Variants in JAKMIP2 observed in about 807,000 individuals in gnomAD.
The protein encoded by JAKMIP2 is janus kinase and microtubule interacting protein 2, also known as janus kinase and microtubule-interacting protein 2.
In JAKMIP2, 25 loss-of-function variants were observed where a neutral mutation model predicts 115.0. The ratio of observed to expected loss-of-function variants is 0.22; its 90% CI spans 0.16 to 0.30. The LOEUF (loss-of-function observed/expected upper bound fraction) is 0.30, where lower values mean the gene tolerates loss of function less well. Ranked by LOEUF, JAKMIP2 falls within the 10% of genes least tolerant of loss-of-function variation. JAKMIP2 has a pLI of 1.00. For synonymous variants in JAKMIP2, 334 were observed against 343.6 expected, an observed-to-expected ratio of 0.97 and a Z score of 0.31; for missense variants, 642 against 957.6, an observed-to-expected ratio of 0.67 and a Z score of 4.35.
chr5:147,662,560 C>T (rs986152238), intron 2 of JAKMIP2, among the ~76,000 whole-genome samples: 3 of 152,038 alleles, frequency 2.0e-5, no homozygotes, highest in Non-Finnish European at 4.4e-5. Flanking sequence ...AAAGCCTCTC[C>T]GTGATCCTGT....
At chr5:147,618,373 T>G (rs1756687616) in intron 18 of JAKMIP2, among the ~76,000 whole-genome samples, 1 of 138,082 alleles carries the variant, frequency 7.2e-6, no homozygotes, top group African/African-American at 3.4e-5. Context: ...CCCTGTCCAT[T>G]TTATATACTT....
intron 19 of JAKMIP2, among the ~76,000 whole-genome samples, chr5:147,615,322 A>C (rs1756515769): frequency 6.6e-6 from 1 of 152,200 alleles, no homozygotes; most frequent in African/African-American, 2.4e-5. Context: ...AAATGAGAAC[A>C]CTTGGATCAA....
intron 20 of JAKMIP2, among the ~76,000 whole-genome samples, chr5:147,608,423 C>A (rs186595698): frequency 1.3e-5 from 2 of 152,106 alleles, no homozygotes; most frequent in Non-Finnish European, 2.9e-5. Context: ...GCCTTAATTT[C>A]GTTATTTACC....
chr5:147,693,298 T>A (rs1469572312), intron 1 of JAKMIP2, among the ~76,000 whole-genome samples: 1 of 152,188 alleles, frequency 6.6e-6, no homozygotes, highest in Non-Finnish European at 1.5e-5. Context: ...AGTAGTTGTT[T>A]GGATGCATCT....
chr5:147,598,532 T>C (rs1342645261), intron 21 of JAKMIP2, among the ~76,000 whole-genome samples: 1 of 152,128 alleles, frequency 6.6e-6, no homozygotes, highest in Non-Finnish European at 1.5e-5. Flanking sequence ...ACTAATACAT[T>C]GATATGCCAT....
At chr5:147,743,677 T>C in intron 1 of JAKMIP2, among the ~76,000 whole-genome samples, 1 of 152,228 alleles carries the variant, frequency 6.6e-6, no homozygotes, top group Non-Finnish European at 1.5e-5. Flanking sequence ...AGTATAAGGA[T>C]TCTGCCAAGG....
intron 18 of JAKMIP2, among the ~76,000 whole-genome samples, chr5:147,619,712 C>A (rs2126650218): frequency 6.6e-6 from 1 of 152,194 alleles, no homozygotes; most frequent in South Asian, 2.1e-4. Context: ...CCTTAATCAG[C>A]ATAATCTTCT....
chr5:147,714,592 G>C (rs1264194435), intron 1 of JAKMIP2, among the ~76,000 whole-genome samples: 2 of 152,120 alleles, frequency 1.3e-5, no homozygotes, highest in African/African-American at 4.8e-5. Flanking sequence ...TTTTAGAATT[G>C]ATGAAACATA....
chr5:147,763,301 A>T (rs1157332783), intron 1 of JAKMIP2, among the ~76,000 whole-genome samples: 1 of 152,126 alleles, frequency 6.6e-6, no homozygotes, highest in Non-Finnish European at 1.5e-5. Flanking sequence ...GCATTAATGG[A>T]TAGATAAAAC....
intron 1 of JAKMIP2, among the ~76,000 whole-genome samples, chr5:147,776,268 C>A (rs1755551967): frequency 6.6e-6 from 1 of 152,136 alleles, no homozygotes; most frequent in Non-Finnish European, 1.5e-5. Flanking sequence ...GGGAGGGACC[C>A]AGAGGGAGGT....
intron 1 of JAKMIP2, among the ~76,000 whole-genome samples, chr5:147,719,677 C>G (rs1263746005): frequency 6.6e-6 from 1 of 150,738 alleles, no homozygotes; most frequent in Non-Finnish European, 1.5e-5. Context: ...CAACCCCTGC[C>G]TTTTTTTGTT....
At chr5:147,710,728 T>C (rs1395389103) in intron 1 of JAKMIP2, among the ~76,000 whole-genome samples, 1 of 152,210 alleles carries the variant, frequency 6.6e-6, no homozygotes, top group East Asian at 1.9e-4. Flanking sequence ...TGTATTGTTA[T>C]GGCACAATGA....
chr5:147,585,909 T>G lies in JAKMIP2; in HGVS notation c.*5798A>C, dbSNP rs907764523. The G allele has an allele frequency of 6.6e-6, 1 of 152,014 alleles. No individual in the cohort carries two copies. 9.4% of individuals were successfully genotyped at this position (152,014 alleles called of 1,614,324 possible). ...ATGGAATTTTTAGCTAATAAAGATA[T>G]GGGACTTTTGGCTAATTTTAATACT... is the stretch of plus-strand genomic sequence containing the variant. On this transcript the variant is annotated 3_prime_UTR_variant, in exon 22 of 22. Transcript: ENST00000616793.
intron 1 of JAKMIP2, among the ~76,000 whole-genome samples, chr5:147,735,336 A>G (rs1753880377): frequency 6.6e-6 from 1 of 152,204 alleles, no homozygotes; most frequent in Non-Finnish European, 1.5e-5. Flanking sequence ...GCTAATAAAG[A>G]TATACCCAAG....
intron 1 of JAKMIP2, among the ~76,000 whole-genome samples, chr5:147,764,991 G>GAGA (rs1755098163): frequency 5.4e-5 from 2 of 37,164 alleles, no homozygotes; most frequent in Non-Finnish European, 5.0e-5. Flanking sequence ...AGAGAGAGAG[G>GAGA]GAGAGAGAGA....
chr5:147,599,492 A>G (rs1755582882), intron 21 of JAKMIP2, among the ~76,000 whole-genome samples: 1 of 152,178 alleles, frequency 6.6e-6, no homozygotes, highest in Admixed American at 6.5e-5. Flanking sequence ...CTATATTATT[A>G]ATTATCATTA....
intron 2 of JAKMIP2, among the ~76,000 whole-genome samples, chr5:147,669,932 T>C (rs1039830557): frequency 6.6e-5 from 10 of 152,224 alleles, no homozygotes; most frequent in Non-Finnish European, 1.3e-4. Context: ...GGTTATACCA[T>C]TGCACAGTGA....
intron 1 of JAKMIP2, among the ~76,000 whole-genome samples, chr5:147,755,619 AAACT>A (rs1259884112): frequency 1.3e-5 from 2 of 152,168 alleles, no homozygotes; most frequent in Non-Finnish European, 2.9e-5. Context: ...TAATTGGTGA[AAACT>A]AACCAAGGCA....
chr5:147,728,854 G>A (rs185939892), intron 1 of JAKMIP2, among the ~76,000 whole-genome samples: 1 of 152,246 alleles, frequency 6.6e-6, no homozygotes, highest in East Asian at 1.9e-4. Context: ...AGAGCCATTA[G>A]ATCCTAGATA....
Sources: allele counts gnomAD v4.1 joint callset (sites outside exome capture counted in the v4.1 genomes callset), GRCh38; gene constraint gnomAD v4.1.1; transcripts MANE v1.5; gene names NCBI Gene and HGNC (gene_info 2026-07-23, HGNC 2026-07-21).